The following ESR1 variants were observed in gnomAD, a reference collection of about 807,000 sequenced individuals.
ESR1 encodes the protein estrogen receptor.
Under a neutral mutation model 52.7 loss-of-function variants are expected in ESR1, and 12 were observed. The observed-to-expected ratio is 0.23, with a 90% confidence interval of 0.15 to 0.37. The LOEUF is 0.37. Ranked by LOEUF, ESR1 falls within the 10% of genes least tolerant of loss-of-function variation. ESR1 has a pLI of 1.00. For synonymous variants in ESR1, 305 were observed against 316.8 expected (o/e 0.96, Z 0.39); for missense variants, 584 against 779.7 (o/e 0.75, Z 2.99).
chr6:152,015,423 C>T (rs1029397554), intron 5 of ESR1, among the ~76,000 whole-genome samples: 1 of 152,126 alleles, frequency 6.6e-6, no homozygotes, highest in Admixed American at 6.6e-5. Context: ...TTGCTTTTCT[C>T]TTTATTATTC....
At chr6:151,832,071 C>T (rs1249491161) in intron 1 of ESR1, among the ~76,000 whole-genome samples, 2 of 151,980 alleles carry the variant, frequency 1.3e-5, no homozygotes, top group Non-Finnish European at 2.9e-5. Flanking sequence ...ACCATGATTA[C>T]AAATAAAATT....
chr6:152,011,901 G>GGTAT, intron 5 of ESR1, 107 bp downstream of exon 5: 1 of 1,261,380 alleles, frequency 7.9e-7, no homozygotes, highest in Non-Finnish European at 1.1e-6. Flanking sequence ...AACTTTATTA[G>GGTAT]GTATGTTTAC....
At chr6:152,043,057 G>A (rs117507065) in intron 5 of ESR1, among the ~76,000 whole-genome samples, 6,576 of 152,194 alleles carry the variant, frequency 0.043, 222 homozygotes, top group East Asian at 0.14. Context: ...ATTTCACAAT[G>A]TGCTGGTCAA....
intron 4 of ESR1, among the ~76,000 whole-genome samples, chr6:151,989,707 GGTAA>G (rs2040835243): frequency 6.6e-6 from 1 of 152,100 alleles, no homozygotes; most frequent in Non-Finnish European, 1.5e-5. Flanking sequence ...GGGATCTCAT[GGTAA>G]GTAAGTAAAG....
intron 2 of ESR1, among the ~76,000 whole-genome samples, chr6:151,766,413 G>A (rs1344195303): frequency 2.6e-5 from 4 of 151,998 alleles, no homozygotes; most frequent in African/African-American, 7.3e-5. Flanking sequence ...CCTGGGAAGC[G>A]GAGGTTGCAG....
intron 5 of ESR1, among the ~76,000 whole-genome samples, chr6:152,056,513 T>A (rs2047117171): frequency 6.6e-6 from 1 of 152,188 alleles, no homozygotes; most frequent in Non-Finnish European, 1.5e-5. Flanking sequence ...CTGTACACCC[T>A]CGTTAGAGCT....
At chr6:151,931,219 A>G (rs2033551228) in intron 3 of ESR1, among the ~76,000 whole-genome samples, 1 of 149,284 alleles carries the variant, frequency 6.7e-6, no homozygotes, top group Non-Finnish European at 1.5e-5. Context: ...CATTCTTTTG[A>G]TTCTTTACAT....
intron 2 of ESR1, among the ~76,000 whole-genome samples, chr6:151,774,455 A>G (rs901631446): frequency 6.6e-6 from 1 of 152,246 alleles, no homozygotes; most frequent in African/African-American, 2.4e-5. Context: ...TTTCTGGATC[A>G]CTGGGGACTC....
chr6:152,009,312 G>A (rs1363892098), intron 4 of ESR1, among the ~76,000 whole-genome samples: 1 of 152,032 alleles, frequency 6.6e-6, no homozygotes, highest in Non-Finnish European at 1.5e-5. Context: ...GTGATGTAGT[G>A]GAAGGTGCAA....
At chr6:151,818,843 CAT>C (rs558765259) in intron 1 of ESR1, among the ~76,000 whole-genome samples, 1 of 150,878 alleles carries the variant, frequency 6.6e-6, no homozygotes. Flanking sequence ...ACCTGGTATA[CAT>C]ATATATATAT....
intron 4 of ESR1, among the ~76,000 whole-genome samples, chr6:152,009,611 C>T (rs779361843): frequency 2.9e-4 from 44 of 152,226 alleles, no homozygotes; most frequent in African/African-American, 1.0e-3. Flanking sequence ...CCAACTGGTG[C>T]TTTCATGTTT....
Position 152,081,932 on chromosome 6 carries a change from T to C in ESR1, c.1370-12453T>C, listed in dbSNP as rs540100751. ...CTCCCAAGACTCAACCAGGAAGAAG[T>C]TGAATCTCTGAAGACACCAATAACA... On this transcript the variant is annotated intron_variant, in intron 6 of 7. Transcript: ENST00000206249. Among the ~76,000 whole-genome samples, 8 of 152,288 alleles carry C rather than the reference T, an allele frequency of 5.3e-5. No individual in the cohort carries two copies. In the South Asian group the frequency reaches 1.5e-3, roughly 28 times the overall value.
chr6:151,924,308 T>G (rs2032283735), intron 3 of ESR1, among the ~76,000 whole-genome samples: 1 of 152,216 alleles, frequency 6.6e-6, no homozygotes, highest in African/African-American at 2.4e-5. Flanking sequence ...CCCAAAGTGC[T>G]GGGATTACAG....
At chr6:151,795,720 T>G (rs1483969545) in intron 2 of ESR1, among the ~76,000 whole-genome samples, 4 of 152,222 alleles carry the variant, frequency 2.6e-5, no homozygotes, top group Non-Finnish European at 5.9e-5. Context: ...GCAAATTGAC[T>G]TATGTACAAA....
chr6:151,759,422 G>A (rs1230780516), intron 2 of ESR1, among the ~76,000 whole-genome samples: 1 of 152,044 alleles, frequency 6.6e-6, no homozygotes, highest in Non-Finnish European at 1.5e-5. Flanking sequence ...GCTAGATGAC[G>A]AGTTAGTGGG....
At chr6:151,684,691 C>A (rs115503984) in intron 1 of ESR1, among the ~76,000 whole-genome samples, 19 of 152,328 alleles carry the variant, frequency 1.2e-4, no homozygotes, top group Admixed American at 5.9e-4. Flanking sequence ...AATATTTTAT[C>A]TCTGCTTTCT....
intron 4 of ESR1, among the ~76,000 whole-genome samples, chr6:151,987,527 C>G (rs553651678): frequency 6.6e-6 from 1 of 152,172 alleles, no homozygotes; most frequent in Middle Eastern, 3.4e-3. Context: ...ACGTGGCAGA[C>G]TTTATTTTAG....
chr6:151,713,457 C>A (rs1407712234), intron 2 of ESR1, among the ~76,000 whole-genome samples: 1 of 152,162 alleles, frequency 6.6e-6, no homozygotes, highest in Non-Finnish European at 1.5e-5. Flanking sequence ...GGATGTGAAT[C>A]CATCTTGTCC....
chr6:151,748,838 G>C (rs1263225276), intron 2 of ESR1, among the ~76,000 whole-genome samples: 1 of 152,138 alleles, frequency 6.6e-6, no homozygotes, highest in Non-Finnish European at 1.5e-5. Flanking sequence ...TCAAATTTCT[G>C]AGAAATATGC....
Sources: allele counts gnomAD v4.1 joint callset (sites outside exome capture counted in the v4.1 genomes callset), GRCh38; gene constraint gnomAD v4.1.1; transcripts MANE v1.5; gene names NCBI Gene and HGNC (gene_info 2026-07-23, HGNC 2026-07-21).